Variants in SSR3 observed in about 807,000 individuals in gnomAD.
SSR3 encodes translocon-associated protein subunit gamma.
Under a neutral mutation model 22.1 loss-of-function variants are expected in SSR3, and 10 were observed. The observed-to-expected ratio is 0.45, with a 90% CI of 0.28 to 0.77. The LOEUF (loss-of-function observed/expected upper bound fraction) is 0.77, where lower values mean the gene tolerates loss of function less well. Ranked by LOEUF, SSR3 falls within the 30% of genes least tolerant of loss-of-function variation. SSR3 has a pLI of 0.13. For missense variants in SSR3, 181 were observed against 220.5 expected, an observed-to-expected ratio of 0.82 and a Z score of 1.13; for synonymous variants, 104 against 82.5, an observed-to-expected ratio of 1.26 and a Z score of -1.42.
chr3:156,554,714 G>A (rs1335512711), intron 1 of SSR3: 3 of 525,904 alleles, frequency 5.7e-6, no homozygotes, highest in African/African-American at 1.9e-5. Context: ...TTCTCCTGGG[G>A]TGGAGCTCGG....
chr3:156,548,363 AT>A (rs1719833463), intron 3 of SSR3, among the ~76,000 whole-genome samples: 1 of 152,210 alleles, frequency 6.6e-6, no homozygotes, highest in Non-Finnish European at 1.5e-5. Flanking sequence ...TAATTATGGG[AT>A]ATCCCTCGGG....
intron 2 of SSR3, among the ~76,000 whole-genome samples, chr3:156,549,403 T>G (rs998565856): frequency 5.3e-5 from 8 of 152,232 alleles, no homozygotes; most frequent in South Asian, 2.1e-4. Context: ...ATTATTTCAA[T>G]TCCAAGTACA....
rs1441522881 is a variant in SSR3, at chr3:156,544,343, A to G, written c.456T>C (p.Ala152=). ...NTLFLVVVIV[A]SFFILKNFNP... ...TGAAGTTCTTCAATATGAAGAAGGAAGCAACAATGACCACGACCAGGAACA... is the reference window on the plus strand; with the variant it reads ...TGAAGTTCTTCAATATGAAGAAGGAGGCAACAATGACCACGACCAGGAACA... The change falls in exon 4 of 5, where the codon GCT becomes GCC. Residue 152 remains alanine (A), a synonymous_variant. Coordinates refer to ENST00000265044, the MANE Select transcript of SSR3 (RefSeq NM_007107.5). 6.3e-7 allele frequency: 1 copy of G among 1,595,700 alleles called. No individual in the cohort carries two copies.
chr3:156,548,748 C>T (rs773393222), intron 3 of SSR3, 157 bp downstream of exon 3: 4 of 878,136 alleles, frequency 4.6e-6, no homozygotes, highest in Non-Finnish European at 6.8e-6. Flanking sequence ...AATAAAAACT[C>T]TAAAAGTCAG....
At chr3:156,553,069 A>C (rs1720021294) in intron 2 of SSR3, among the ~76,000 whole-genome samples, 3 of 151,792 alleles carry the variant, frequency 2.0e-5, no homozygotes, top group Non-Finnish European at 2.9e-5. Flanking sequence ...TAAAATAAAA[A>C]GACCAGCCTG....
intron 2 of SSR3, among the ~76,000 whole-genome samples, chr3:156,551,773 A>G (rs1013527981): frequency 3.5e-4 from 53 of 152,230 alleles, no homozygotes; most frequent in Non-Finnish European, 7.3e-5. Flanking sequence ...CAAAATCAGG[A>G]AGGATTTCTC....
chr3:156,551,289 A>T (rs947838387), intron 2 of SSR3: 4 of 152,196 alleles, frequency 2.6e-5, no homozygotes, highest in Non-Finnish European at 5.9e-5. Context: ...TAAAAAGAAC[A>T]TGACTTTGAT....
At position 156,555,102 on chromosome 3, in the gene SSR3, G is replaced by C; in HGVS notation, c.-13C>G. 6.2e-7 allele frequency: 1 copy of C among 1,612,264 alleles called. No individual in the cohort carries two copies. The highest frequency in any genetic ancestry group is 8.5e-7 in the Non-Finnish European group (1 of 1,179,676). ...CTTTAGGAGCCATGGCGGAGCTGCA[G>C]GCGAGAACAGGGAACGTAGAGCCGG... On this transcript the variant is annotated 5_prime_UTR_variant, in exon 1 of 5. Transcript: ENST00000265044.
chr3:156,553,139 C>T (rs1025193868), intron 2 of SSR3, among the ~76,000 whole-genome samples: 4 of 151,922 alleles, frequency 2.6e-5, no homozygotes, highest in African/African-American at 9.7e-5. Flanking sequence ...CACCTGTAGG[C>T]CCAGCTACTT....
chr3:156,546,902 T>C lies in SSR3; in HGVS notation c.359+2003A>G, dbSNP rs562800895. The stretch of plus-strand genomic sequence containing the variant: ...AAGTACTTTTAAGCGGCATGGAGTA[T>C]ATATTCCAAATGAATGTAGACAGAG... On this transcript the variant is annotated intron_variant, in intron 3 of 4. Transcript: ENST00000265044. Among the ~76,000 whole-genome samples, 619 of 152,324 alleles carry C rather than the reference T, an allele frequency of 4.1e-3. 2 individuals are homozygous for C. The highest frequency in any genetic ancestry group is 6.4e-3 in the Non-Finnish European group (437 of 68,028).
At chr3:156,545,071 C>T (rs184151750) in intron 3 of SSR3, among the ~76,000 whole-genome samples, 9 of 152,308 alleles carry the variant, frequency 5.9e-5, no homozygotes, top group African/African-American at 2.2e-4. Context: ...TTTCATCCAT[C>T]TTTTCTTTTA....
At chr3:156,554,834 G>T in intron 1 of SSR3, 123 bp downstream of exon 1, 1 of 1,312,608 alleles carries the variant, frequency 7.6e-7, no homozygotes, top group Non-Finnish European at 1.0e-6. Context: ...GCTCAGGGGA[G>T]CTGGAGAGAT....
At chr3:156,552,745 G>A (rs1221835239) in intron 2 of SSR3, among the ~76,000 whole-genome samples, 1 of 152,168 alleles carries the variant, frequency 6.6e-6, no homozygotes, top group Non-Finnish European at 1.5e-5. Flanking sequence ...CAACATCAAA[G>A]GGCGTCAATT....
intron 2 of SSR3, chr3:156,551,252 A>G (rs991822456): frequency 1.3e-5 from 2 of 152,094 alleles, no homozygotes; most frequent in Non-Finnish European, 2.9e-5. Flanking sequence ...GGGTGTCTTC[A>G]AGAAGCCTAA....
intron 2 of SSR3, among the ~76,000 whole-genome samples, chr3:156,552,722 G>C (rs148764487): frequency 1.4e-4 from 22 of 152,278 alleles, no homozygotes; most frequent in African/African-American, 5.3e-4. Context: ...AAGTATCACA[G>C]TGTACATGAA....
In SSR3 at chr3:156,543,635, C is replaced by G. The variant is rs181119807; in HGVS notation, c.492-366G>C. On this transcript the variant is annotated intron_variant, in intron 4 of 4. Coordinates refer to ENST00000265044, the MANE Select transcript of SSR3 (RefSeq NM_007107.5). ...AGAGCAATGGAAAAATAAGTCTTCC[C>G]TGCAAATCAGTGTTTTGCTGCAGTT... Among the ~76,000 whole-genome samples, 176 of 152,304 alleles carry G rather than the reference C, an allele frequency of 1.2e-3. 1 individual carries two copies. Among genetic ancestry groups the G allele is most frequent in the African/African-American group, 4.1e-3 (170 of 41,566 alleles).
intron 1 of SSR3, 119 bp downstream of exon 1, chr3:156,554,838 G>C: frequency 7.4e-7 from 1 of 1,352,298 alleles, no homozygotes; most frequent in Non-Finnish European, 1.0e-6. Flanking sequence ...AGGGGAGCTG[G>C]AGAGATTGCC....
In SSR3 at chr3:156,554,796, C is replaced by A. The variant is rs978344827; in HGVS notation, c.133+161G>T. The A allele has an allele frequency of 3.5e-5, 32 of 926,354 alleles. No homozygotes were observed. The African/African-American group carries it at 5.0e-4, about 15-fold the overall frequency. The allele number at this position is 926,354 out of a possible 1,614,324, so 57.4% of individuals were successfully genotyped here. A position where few individuals can be genotyped will look rare whatever the true frequency, so the allele number is the denominator to read the frequency against. ...ACAATCCCAAGCGACAACACTGTGC[C>A]CAAAGAAGAGGCTCCGTGCCTCCCC... is the stretch of plus-strand genomic sequence containing the variant. On this transcript the variant is annotated intron_variant, in intron 1 of 4. Transcript: ENST00000265044.
intron 2 of SSR3, 47 bp from the exon 3 acceptor site, chr3:156,549,050 T>A: frequency 6.4e-7 from 1 of 1,560,488 alleles, no homozygotes; most frequent in Non-Finnish European, 8.7e-7. Context: ...GCTACAGAGG[T>A]GAACATCACA....
Sources: gnomAD v4.1 joint callset for allele counts (sites outside exome capture counted in the v4.1 genomes callset) on GRCh38, gnomAD v4.1.1 for gene constraint, MANE v1.5 for transcripts, NCBI Gene and HGNC (gene_info 2026-07-23, HGNC 2026-07-21) for gene names.